Variants in SLC7A13 observed in about 807,000 individuals in gnomAD.
SLC7A13 encodes X-amino acid transporter 2.
SLC7A13 carries 31 observed loss-of-function variants against 32.0 expected under a neutral mutation model. The ratio of observed to expected loss-of-function variants is 0.97; its 90% CI spans 0.73 to 1.31. SLC7A13 has a LOEUF of 1.31. Ranked by LOEUF, SLC7A13 falls within the 50% of genes most tolerant of loss-of-function variation. The probability of loss-of-function intolerance (pLI) is 0.00; values close to 1 mark genes in which losing one functional copy is unlikely to be tolerated. For synonymous variants in SLC7A13, 232 were observed against 206.9 expected (o/e 1.12, Z -1.04); for missense variants, 633 against 546.9 (o/e 1.16, Z -1.57).
At chr8:86,216,478 G>A (rs1216194954) in intron 3 of SLC7A13, among the ~76,000 whole-genome samples, 1 of 152,110 alleles carries the variant, frequency 6.6e-6, no homozygotes, top group African/African-American at 2.4e-5. Flanking sequence ...TACCTAGCAA[G>A]GTGCTTAAAA....
chr8:86,229,256 C>T (rs977654936), intron 1 of SLC7A13, among the ~76,000 whole-genome samples: 13 of 152,138 alleles, frequency 8.5e-5, no homozygotes, highest in Non-Finnish European at 2.9e-5. Context: ...TGGATCATTC[C>T]TGGATTTACA....
At chr8:86,217,200 T>C (rs1210507893) in intron 3 of SLC7A13, among the ~76,000 whole-genome samples, 1 of 152,204 alleles carries the variant, frequency 6.6e-6, no homozygotes, top group Admixed American at 6.6e-5. Flanking sequence ...AAATAATATC[T>C]GGTCAAAAGA....
chr8:86,219,384 T>C (rs750897265), intron 2 of SLC7A13, among the ~76,000 whole-genome samples: 1 of 152,218 alleles, frequency 6.6e-6, no homozygotes, highest in Non-Finnish European at 1.5e-5. Context: ...TTTAGCTCTA[T>C]GCCACAAGGG....
Position 86,229,852 on chromosome 8 carries a change from C to T in SLC7A13, c.426G>A (p.Leu142=). The change falls in exon 1 of 4, where the codon TTG becomes TTA. Residue 142 remains leucine, a synonymous_variant. Coordinates refer to ENST00000297524, the MANE Select transcript of SLC7A13 (RefSeq NM_138817.3). ...LPKKCLALAM[L]WIVGILTSRG... is the part of the protein sequence containing the mutation. Reference sequence around the variant, plus strand: ...GAGAAGTCAGAATTCCTACAATCCACAACATGGCCAATGCCAGACATTTCT... The same window carrying T: ...GAGAAGTCAGAATTCCTACAATCCATAACATGGCCAATGCCAGACATTTCT... 1 of 1,614,162 alleles carries T rather than the reference C, an allele frequency of 6.2e-7. No individual in the cohort carries two copies.
intron 2 of SLC7A13, among the ~76,000 whole-genome samples, chr8:86,222,643 T>C (rs1269397116): frequency 1.3e-5 from 2 of 152,156 alleles, no homozygotes; most frequent in African/African-American, 2.4e-5. Flanking sequence ...ATTTTGAAAG[T>C]TTTAAAATCG....
chr8:86,214,383 CA>C lies in SLC7A13; in HGVS notation c.*29del. The C allele has an allele frequency of 7.0e-7, 1 of 1,426,730 alleles. No homozygotes were observed. Among genetic ancestry groups the C allele is most frequent in the Non-Finnish European group, 9.6e-7 (1 of 1,041,146 alleles). The allele number at this position is 1,426,730 out of a possible 1,614,324, so 88.4% of individuals were successfully genotyped here. A position where few individuals can be genotyped will look rare whatever the true frequency, so the allele number is the denominator to read the frequency against. Reference sequence around the variant, plus strand: ...ATCTGATATATGTTTTTTAGAAGGCCAATTTTTTAAGAGTTTGCACTTCCGA... The same window carrying C: ...ATCTGATATATGTTTTTTAGAAGGCCATTTTTTAAGAGTTTGCACTTCCGA... On this transcript the variant is annotated 3_prime_UTR_variant, in exon 4 of 4. Transcript: ENST00000297524.
At chr8:86,221,173 A>G (rs1460113195) in intron 2 of SLC7A13, among the ~76,000 whole-genome samples, 1 of 152,126 alleles carries the variant, frequency 6.6e-6, no homozygotes, top group African/African-American at 2.4e-5. Context: ...CATTATATAC[A>G]TCCTGACTTT....
chr8:86,226,802 C>A (rs1159188061), intron 1 of SLC7A13, among the ~76,000 whole-genome samples: 1 of 152,194 alleles, frequency 6.6e-6, no homozygotes, highest in African/African-American at 2.4e-5. Context: ...ATCTACACTG[C>A]ATGCTTCTAT....
intron 3 of SLC7A13, 149 bp from the exon 4 acceptor site, chr8:86,214,795 T>C (rs1820151400): frequency 1.6e-6 from 1 of 632,830 alleles, no homozygotes; most frequent in Non-Finnish European, 2.7e-6. Context: ...GGCTTAGAAG[T>C]CAGATAAATG....
intron 1 of SLC7A13, among the ~76,000 whole-genome samples, chr8:86,224,473 T>A (rs1334979128): frequency 6.6e-6 from 1 of 152,218 alleles, no homozygotes; most frequent in African/African-American, 2.4e-5. Context: ...AAATTATCTC[T>A]TCCTGTATGC....
intron 3 of SLC7A13, among the ~76,000 whole-genome samples, chr8:86,216,006 AT>A (rs1820175160): frequency 6.6e-6 from 1 of 152,162 alleles, no homozygotes; most frequent in Admixed American, 6.5e-5. Context: ...ATTTTTTCCC[AT>A]TTTAGATCGG....
rs141804543 is a variant in SLC7A13 at position 86,222,824 on chromosome 8, C to A, written c.817+148G>T. On this transcript the variant is annotated intron_variant, in intron 2 of 3. Coordinates refer to ENST00000297524, the MANE Select transcript of SLC7A13 (RefSeq NM_138817.3). Reference sequence around the variant, plus strand: ...AATCTCCTTTCTAAGACAAATCATTCCCTTTGGCCCTCTGTTATTTTAGAA... The same window carrying A: ...AATCTCCTTTCTAAGACAAATCATTACCTTTGGCCCTCTGTTATTTTAGAA... 3.1e-4 allele frequency: 214 copies of A among 688,482 alleles called. 2 individuals are homozygous for A. In the African/African-American group the frequency reaches 3.7e-3, roughly 12 times the overall value. 42.6% of individuals were successfully genotyped at this position (688,482 alleles called of 1,614,324 possible).
chr8:86,225,058 G>A (rs2129802066), intron 1 of SLC7A13, among the ~76,000 whole-genome samples: 1 of 152,196 alleles, frequency 6.6e-6, no homozygotes, highest in South Asian at 2.1e-4. Flanking sequence ...TTCCTAAGAT[G>A]TGTTGCACAA....
chr8:86,222,832 C>T, intron 2 of SLC7A13, 140 bp downstream of exon 2: 1 of 768,476 alleles, frequency 1.3e-6, no homozygotes, highest in Non-Finnish European at 1.9e-6. Flanking sequence ...TTCCCTTTGG[C>T]CCTCTGTTAT....
Position 86,223,026 on chromosome 8 carries a change from GTA to G in SLC7A13, c.761_762del (p.Leu254SerfsTer3). ...ACAGTCAGATAGGAAATGTTAACCA[GTA>G]AATAAACTACAGTCACCAGAGGTAA... ...TALPLVTVVY[L>X]LVNISYLTVL... On this transcript the variant is annotated frameshift_variant, in exon 2 of 4. Transcript: ENST00000297524. LOFTEE classifies it high-confidence loss of function. 1 of 1,609,120 alleles carries G rather than the reference GTA, an allele frequency of 6.2e-7. No homozygotes were observed. The highest frequency in any genetic ancestry group is 8.5e-7 in the Non-Finnish European group (1 of 1,177,642).
chr8:86,225,349 C>T (rs1206010308), intron 1 of SLC7A13, among the ~76,000 whole-genome samples: 2 of 152,072 alleles, frequency 1.3e-5, no homozygotes, highest in Admixed American at 1.3e-4. Flanking sequence ...TTTCAATCTC[C>T]TTATAGTGAA....
rs750519862 is a variant in SLC7A13 at position 86,229,804 on chromosome 8, C to A, written c.474G>T (p.Trp158Cys). ...TCAGCACTGAGCTAGCTATCTGAAG[C>A]CAAGTCACTTCTTTCACACCACGAG... is the stretch of plus-strand genomic sequence containing the variant. ...LTSRGVKEVT[W>C]LQIASSVLKV... is the part of the protein sequence containing the mutation. The change falls in exon 1 of 4, where the codon TGG becomes TGT. Residue 158 changes from tryptophan (W) to cysteine (C), a missense_variant. By Grantham distance (215) the Trp-to-Cys change is radical. Coordinates refer to ENST00000297524, the MANE Select transcript of SLC7A13 (RefSeq NM_138817.3). The A allele has an allele frequency of 1.9e-6, 3 of 1,614,180 alleles. No individual in the cohort carries two copies. The highest frequency in any genetic ancestry group is 2.2e-5 in the East Asian group (1 of 44,878).
At chr8:86,224,750 A>G (rs943290397) in intron 1 of SLC7A13, among the ~76,000 whole-genome samples, 1 of 152,210 alleles carries the variant, frequency 6.6e-6, no homozygotes, top group African/African-American at 2.4e-5. Context: ...CTGGAAGCCA[A>G]TGATTTTCGG....
chr8:86,229,660 G>A lies in SLC7A13; in HGVS notation c.618C>T (p.His206=). The A allele has an allele frequency of 1.2e-6, 2 of 1,614,144 alleles. No individual in the cohort carries two copies. The highest frequency in any genetic ancestry group is 1.7e-6 in the Non-Finnish European group (2 of 1,180,026). Residue 206 remains histidine, a synonymous_variant, in exon 1 of 4, where the codon CAC becomes CAT. Transcript: ENST00000297524. ...ATCCTTGGAAGATGGCTTGTATAAGGTGAGAGATATCTGGAAGTTCAGCAT... is the reference window on the plus strand; with the variant it reads ...ATCCTTGGAAGATGGCTTGTATAAGATGAGAGATATCTGGAAGTTCAGCAT... The part of the protein sequence containing the change: ...AFDAELPDIS[H]LIQAIFQGYF...
Sources: allele counts gnomAD v4.1 joint callset (sites outside exome capture counted in the v4.1 genomes callset), GRCh38; gene constraint gnomAD v4.1.1; transcripts MANE v1.5; gene names NCBI Gene and HGNC (gene_info 2026-07-23, HGNC 2026-07-21).